Variants in DENND1A observed in about 807,000 individuals in gnomAD.
The protein encoded by DENND1A is DENN domain-containing protein 1A.
A neutral mutation model predicts 113.7 loss-of-function variants in DENND1A; 51 were observed. That is an observed-to-expected ratio of 0.45 (90% CI 0.36 to 0.57). DENND1A has a LOEUF of 0.57. Ranked by LOEUF, DENND1A falls within the 20% of genes least tolerant of loss-of-function variation. The probability of loss-of-function intolerance (pLI) is 0.00; values close to 1 mark genes in which losing one functional copy is unlikely to be tolerated. For missense variants in DENND1A, 1,258 were observed against 1,395.9 expected, an observed-to-expected ratio of 0.90 and a Z score of 1.57; for synonymous variants, 565 against 570.8, an observed-to-expected ratio of 0.99 and a Z score of 0.14.
chr9:123,567,905 A>G (rs936419836), intron 12 of DENND1A, among the ~76,000 whole-genome samples: 7 of 152,222 alleles, frequency 4.6e-5, no homozygotes, highest in African/African-American at 1.7e-4. Context: ...TGAAATTCAC[A>G]AAACTCTAAG....
intron 19 of DENND1A, chr9:123,413,781 T>C (rs1188892594): frequency 2.0e-5 from 20 of 985,346 alleles, no homozygotes; most frequent in Non-Finnish European, 2.3e-5. Context: ...CACCATGTTT[T>C]TTCCCCTTCC....
intron 2 of DENND1A, among the ~76,000 whole-genome samples, chr9:123,798,718 C>CT (rs1834140113): frequency 9.6e-6 from 1 of 104,262 alleles, no homozygotes; most frequent in Non-Finnish European, 1.8e-5. Context: ...GTAGGGTGTG[C>CT]TGGAGGCAAA....
intron 13 of DENND1A, among the ~76,000 whole-genome samples, chr9:123,483,747 C>T (rs964510999): frequency 6.6e-6 from 1 of 152,138 alleles, no homozygotes; most frequent in African/African-American, 2.4e-5. Context: ...TCTTTAGCTC[C>T]CCAAGTCACA....
rs563034322 is a variant in DENND1A, at chr9:123,768,338, C to G, written c.182+1176G>C. On this transcript the variant is annotated intron_variant, in intron 4 of 23. Coordinates refer to ENST00000394215, the MANE Select transcript of DENND1A (RefSeq NM_001352964.2). ...TTTTAAACTCCTTTGGCTACCAATT[C>G]TCATCTCATACCATTTTTAGGTTTA... Among the ~76,000 whole-genome samples the G allele has an allele frequency of 3.3e-5, 5 of 152,302 alleles. No homozygotes were observed. In the South Asian group the frequency reaches 1.0e-3, roughly 32 times the overall value.
intron 2 of DENND1A, among the ~76,000 whole-genome samples, chr9:123,840,068 T>C (rs533850830): frequency 4.0e-5 from 6 of 149,910 alleles, no homozygotes; most frequent in Non-Finnish European, 7.4e-5. Flanking sequence ...GACCCCATGT[T>C]TCAAGTGTTT....
chr9:123,771,072 G>C (rs1829653464), intron 3 of DENND1A, among the ~76,000 whole-genome samples: 1 of 152,082 alleles, frequency 6.6e-6, no homozygotes, highest in African/African-American at 2.4e-5. Context: ...TAATGAATAG[G>C]AAACTAAGAA....
intron 10 of DENND1A, 87 bp downstream of exon 10, chr9:123,630,289 C>A: frequency 3.9e-6 from 2 of 512,974 alleles, no homozygotes; most frequent in Non-Finnish European, 5.4e-6. Flanking sequence ...AATGTAGAGT[C>A]ACCAACTGCA....
At chr9:123,803,187 G>A (rs920472398) in intron 2 of DENND1A, among the ~76,000 whole-genome samples, 1 of 152,106 alleles carries the variant, frequency 6.6e-6, no homozygotes, top group East Asian at 1.9e-4. Context: ...CTAACAGGGG[G>A]TCCATTTTCA....
At chr9:123,845,670 C>CAAAAAAAAAAAAAAAAAAA (rs555731367) in intron 2 of DENND1A, among the ~76,000 whole-genome samples, 22 of 44,084 alleles carry the variant, frequency 5.0e-4, no homozygotes, top group African/African-American at 1.5e-3. Flanking sequence ...AACCTGTCTC[C>CAAAAAAAAAAAAAAAAAAA]AAAAAAAAAA....
At chr9:123,705,774 C>G (rs1314347866) in intron 5 of DENND1A, among the ~76,000 whole-genome samples, 1 of 152,076 alleles carries the variant, frequency 6.6e-6, no homozygotes, top group Non-Finnish European at 1.5e-5. Context: ...AAAATTTCAA[C>G]CTGGTTTTTA....
Position 123,724,735 on chromosome 9 carries a change from A to C in DENND1A, c.302+32968T>G, listed in dbSNP as rs369486330. Among the ~76,000 whole-genome samples, 14 of 152,284 alleles carry C rather than the reference A, an allele frequency of 9.2e-5. No homozygotes were observed. The East Asian group carries it at 2.3e-3, about 25-fold the overall frequency. On this transcript the variant is annotated intron_variant, in intron 5 of 23. Transcript: ENST00000394215. Reference sequence around the variant, plus strand: ...GTCATCTTCCAAAAAGGGAGAAGCAACTCGCCTTTCTTAGACTAAGAGATA... The same window carrying C: ...GTCATCTTCCAAAAAGGGAGAAGCACCTCGCCTTTCTTAGACTAAGAGATA...
intron 2 of DENND1A, among the ~76,000 whole-genome samples, chr9:123,803,018 A>G (rs899678988): frequency 1.3e-5 from 2 of 152,170 alleles, no homozygotes; most frequent in African/African-American, 2.4e-5. Flanking sequence ...ACTGCCTTTG[A>G]TCCACCTCAG....
intron 9 of DENND1A, among the ~76,000 whole-genome samples, chr9:123,633,093 A>G (rs1163749732): frequency 6.6e-6 from 1 of 152,032 alleles, no homozygotes; most frequent in African/African-American, 2.4e-5. Flanking sequence ...TATTTTGTAG[A>G]GACGGGGTTT....
intron 21 of DENND1A, among the ~76,000 whole-genome samples, chr9:123,393,987 G>A (rs1479675020): frequency 8.7e-6 from 1 of 115,536 alleles, no homozygotes; most frequent in Non-Finnish European, 1.8e-5. Context: ...AGGTGATGTG[G>A]GAGCCAGACT....
At chr9:123,760,169 T>C (rs1438228771) in intron 4 of DENND1A, among the ~76,000 whole-genome samples, 1 of 152,228 alleles carries the variant, frequency 6.6e-6, no homozygotes, top group Non-Finnish European at 1.5e-5. Flanking sequence ...TGCTATCAAT[T>C]ATTACTTTAT....
chr9:123,635,844 C>CA (rs2061675446), intron 9 of DENND1A, among the ~76,000 whole-genome samples: 1 of 152,192 alleles, frequency 6.6e-6, no homozygotes, highest in Admixed American at 6.5e-5. Flanking sequence ...TTCCCTTTCA[C>CA]ATACTTGCTC....
chr9:123,417,571 C>T (rs745560548), intron 19 of DENND1A, among the ~76,000 whole-genome samples: 6 of 152,204 alleles, frequency 3.9e-5, no homozygotes, highest in Non-Finnish European at 4.4e-5. Flanking sequence ...TCCTTGTCAA[C>T]TAAAATTTCC....
intron 2 of DENND1A, among the ~76,000 whole-genome samples, chr9:123,806,968 T>A (rs936299623): frequency 6.6e-6 from 1 of 152,220 alleles, no homozygotes; most frequent in African/African-American, 2.4e-5. Context: ...AGGTACTTTT[T>A]AAAAATTTTT....
chr9:123,395,496 CAGAGAGAGAG>C (rs143432983), intron 21 of DENND1A, among the ~76,000 whole-genome samples: 1 of 111,088 alleles, frequency 9.0e-6, no homozygotes, highest in Non-Finnish European at 1.8e-5. Flanking sequence ...GTGTGTGTGA[CAGAGAGAGAG>C]AGAGAGAGTG....
Sources: gnomAD v4.1 joint callset for allele counts (sites outside exome capture counted in the v4.1 genomes callset) on GRCh38, gnomAD v4.1.1 for gene constraint, MANE v1.5 for transcripts, NCBI Gene and HGNC (gene_info 2026-07-23, HGNC 2026-07-21) for gene names.